The following PPIE variants were observed in gnomAD, a reference collection of about 807,000 sequenced individuals.
The protein encoded by PPIE is peptidyl-prolyl cis-trans isomerase E.
Under a neutral mutation model 38.4 loss-of-function variants are expected in PPIE, and 20 were observed. That is an observed-to-expected ratio of 0.52 (90% confidence interval 0.37 to 0.76). The LOEUF (loss-of-function observed/expected upper bound fraction) is 0.76. Among genes scored for constraint, PPIE ranks in the 30% least tolerant of loss-of-function variants. The pLI is 0.00. For missense variants in PPIE, 322 were observed against 385.8 expected, an observed-to-expected ratio of 0.83 and a Z score of 1.39; for synonymous variants, 142 against 135.7, an observed-to-expected ratio of 1.05 and a Z score of -0.32.
At chr1:39,753,107 G>T in intron 9 of PPIE, 55 bp downstream of exon 9, 2 of 1,608,642 alleles carry the variant, frequency 1.2e-6, no homozygotes, top group Non-Finnish European at 1.7e-6. Flanking sequence ...GCACAGCCCT[G>T]TGTGAGGGCT....
Position 39,745,460 on chromosome 1 carries a change from A to G in PPIE, c.470A>G (p.Gln157Arg). The G allele has an allele frequency of 3.1e-6, 5 of 1,614,254 alleles. No homozygotes were observed. The highest frequency in any genetic ancestry group is 4.2e-6 in the Non-Finnish European group (5 of 1,180,048). Residue 157 changes from glutamine (Q) to arginine (R), a missense_variant, in exon 7 of 10, where the codon CAG (glutamine) becomes CGG (arginine). Gln to Arg is a conservative substitution (Grantham distance 43). Transcript: ENST00000324379. The stretch of plus-strand genomic sequence containing the variant: ...GGGAACAAGCCGGCTGGCCGCATCC[A>G]GATGCTCCTGCGTTCTGATGTCGTG... ...KIGNKPAGRI[Q>R]MLLRSDVVPM...
Position 39,753,964 on chromosome 1 carries a change from A to T in PPIE, c.*609A>T, listed in dbSNP as rs533372807. 2 of 985,338 alleles carry T rather than the reference A, an allele frequency of 2.0e-6. No individual in the cohort carries two copies. The highest frequency in any genetic ancestry group is 2.4e-6 in the Non-Finnish European group (2 of 829,940). 61.0% of individuals were successfully genotyped at this position (985,338 alleles called of 1,614,324 possible). ...CCAGCTGCCGGCCTTACAGCCAGCA[A>T]GTGTACTCTCAGTGGTTCATTTGTT... On this transcript the variant is annotated 3_prime_UTR_variant, in exon 10 of 10. Transcript: ENST00000324379.
Position 39,756,629 on chromosome 1 carries a change from T to A in PPIE, c.*3274T>A. On this transcript the variant is annotated 3_prime_UTR_variant, in exon 10 of 10. Coordinates refer to ENST00000324379, the MANE Select transcript of PPIE (RefSeq NM_006112.4). ...CTTGTAGAGTTCAGTGATGGGAAAC[T>A]AAAGTAGAAAAAGCACATCACAAAG... is the stretch of plus-strand genomic sequence containing the variant. 1.0e-6 allele frequency: 1 copy of A among 984,932 alleles called. No individual in the cohort carries two copies. The highest frequency in any genetic ancestry group is 1.2e-6 in the Non-Finnish European group (1 of 829,516). 61.0% of individuals were successfully genotyped at this position (984,932 alleles called of 1,614,324 possible).
chr1:39,740,358 A>G lies in PPIE; in HGVS notation c.130+95A>G, dbSNP rs78110175. 6.9e-4 allele frequency: 664 copies of G among 957,278 alleles called. 1 individual carries two copies. Among genetic ancestry groups the G allele is most frequent in the African/African-American group, 6.8e-3 (413 of 61,142 alleles). 59.3% of individuals were successfully genotyped at this position (957,278 alleles called of 1,614,324 possible). A position where few individuals can be genotyped will look rare whatever the true frequency, so the allele number is the denominator to read the frequency against. On this transcript the variant is annotated intron_variant, in intron 2 of 9. Transcript: ENST00000324379. ...ACAATTCTAAATATGCATTCTAAATATGGTTAGTATACACTACAGGTAAGT... is the reference window on the plus strand; with the variant it reads ...ACAATTCTAAATATGCATTCTAAATGTGGTTAGTATACACTACAGGTAAGT...
rs1350879631 is a variant in PPIE, at chr1:39,754,069, T to C, written c.*714T>C. 1.0e-5 allele frequency: 10 copies of C among 985,228 alleles called. No homozygotes were observed. The highest frequency in any genetic ancestry group is 1.2e-5 in the Non-Finnish European group (10 of 829,838). 61.0% of individuals were successfully genotyped at this position (985,228 alleles called of 1,614,324 possible). A position where few individuals can be genotyped will look rare whatever the true frequency, so the allele number is the denominator to read the frequency against. ...AGTGCCTTCTCTGTGCCAAGTACTA[T>C]GCCTATTTGTCAGGAGACAGGAAGC... On this transcript the variant is annotated 3_prime_UTR_variant, in exon 10 of 10. Transcript: ENST00000324379.
intron 7 of PPIE, chr1:39,747,067 T>C (rs1647235481): frequency 6.6e-6 from 1 of 152,244 alleles, no homozygotes. Flanking sequence ...AGCTGTCCTT[T>C]TCCACGCCTT....
chr1:39,739,716 T>TG lies in PPIE; in HGVS notation c.32-444dup, dbSNP rs1444412245. 8.5e-5 allele frequency among the ~76,000 whole-genome samples: 13 copies of TG among 152,078 alleles called. No individual in the cohort carries two copies. In the East Asian group the frequency reaches 1.4e-3, roughly 16 times the overall value. On this transcript the variant is annotated intron_variant, in intron 1 of 9. Coordinates refer to ENST00000324379, the MANE Select transcript of PPIE (RefSeq NM_006112.4). ...CAAAGGTGTGAAATAGCCTGACACT[T>TG]GGGGGCAAGTGGGTCATTATTCGGG...
Position 39,740,270 on chromosome 1 carries a change from T to A in PPIE, c.130+7T>A. On this transcript the variant is annotated splice_region_variant and intron_variant, in intron 2 of 9. Transcript: ENST00000324379. ...CCTCTGGATTATGAAACAGGTGAGT[T>A]AGTGTCTCTCACGTTCAGAATCCTC... The A allele has an allele frequency of 1.2e-6, 2 of 1,607,082 alleles. No individual in the cohort carries two copies. Among genetic ancestry groups the A allele is most frequent in the Non-Finnish European group, 1.7e-6 (2 of 1,174,058 alleles).
chr1:39,756,650 CAAAG>C lies in PPIE; in HGVS notation c.*3299_*3302del. 6 of 975,658 alleles carry C rather than the reference CAAAG, an allele frequency of 6.1e-6. No homozygotes were observed. The highest frequency in any genetic ancestry group is 7.3e-6 in the Non-Finnish European group (6 of 821,236). 60.4% of individuals were successfully genotyped at this position (975,658 alleles called of 1,614,324 possible). On this transcript the variant is annotated 3_prime_UTR_variant, in exon 10 of 10. Coordinates refer to ENST00000324379, the MANE Select transcript of PPIE (RefSeq NM_006112.4). ...AAACTAAAGTAGAAAAAGCACATCA[CAAAG>C]AAACATATATAGTACAGTGTGATCC...
At position 39,738,906 on chromosome 1, in the gene PPIE, C is replaced by G. The variant is rs143737106; in HGVS notation, c.6C>G (p.Ala2=). M[A]TTKRVLYVGG... Reference sequence around the variant, plus strand: ...CGGAAAAGCGCGCGAGCAAGATGGCCACCACCAAGCGCGTCTTGTACGTGG... The same window carrying G: ...CGGAAAAGCGCGCGAGCAAGATGGCGACCACCAAGCGCGTCTTGTACGTGG... The change falls in exon 1 of 10, where the codon GCC becomes GCG. Residue 2 remains alanine (A), a synonymous_variant. Coordinates refer to ENST00000324379, the MANE Select transcript of PPIE (RefSeq NM_006112.4). The G allele has an allele frequency of 6.9e-4, 1,042 of 1,508,260 alleles. 2 individuals carry two copies. The highest frequency in any genetic ancestry group is 1.1e-3 in the Admixed American group (45 of 42,514). The allele number at this position is 1,508,260 out of a possible 1,614,324, so 93.4% of individuals were successfully genotyped here.
intron 7 of PPIE, chr1:39,746,254 A>T (rs570045): frequency 6.6e-6 from 1 of 152,120 alleles, no homozygotes; most frequent in Non-Finnish European, 1.5e-5. Flanking sequence ...TGTAAGCATC[A>T]TGTGATAACC....
At chr1:39,741,269 T>G in intron 2 of PPIE, 97 bp from the exon 3 acceptor site, 2 of 1,025,116 alleles carry the variant, frequency 2.0e-6, no homozygotes, top group Non-Finnish European at 3.1e-6. Flanking sequence ...CTTCTGGTGT[T>G]TGGATACGAC....
chr1:39,743,741 C>A, intron 5 of PPIE, 83 bp from the exon 6 acceptor site: 1 of 1,113,988 alleles, frequency 9.0e-7, no homozygotes. Context: ...CACATAGCAT[C>A]TTCCACTTTG....
In PPIE at chr1:39,753,494, G is replaced by A; in HGVS notation, c.*139G>A. 1 of 1,456,684 alleles carries A rather than the reference G, an allele frequency of 6.9e-7. No homozygotes were observed. The highest frequency in any genetic ancestry group is 1.4e-5 in the African/African-American group (1 of 70,762). The allele number at this position is 1,456,684 out of a possible 1,614,324, so 90.2% of individuals were successfully genotyped here. ...GGATATGTGCCCTTCCTCAGGGTCT[G>A]CTTGGAGCAGCTCCTCTGCAGGCAC... is the stretch of plus-strand genomic sequence containing the variant. On this transcript the variant is annotated 3_prime_UTR_variant, in exon 10 of 10. Coordinates refer to ENST00000324379, the MANE Select transcript of PPIE (RefSeq NM_006112.4).
At chr1:39,763,245 C>T (rs374780525) in intron 9 of PPIE, 51 of 1,550,486 alleles carry the variant, frequency 3.3e-5, no homozygotes, top group Non-Finnish European at 4.4e-5. Flanking sequence ...ATGTGCCCCT[C>T]CCTGAGCCTC....
In PPIE at chr1:39,752,978, A is replaced by G; in HGVS notation, c.763A>G (p.Thr255Ala). ...GSQFFLTCDK[T>A]DWLDGKHVVF... is the part of the protein sequence containing the mutation. ...TCAGTTCTTCCTGACATGTGACAAGACAGACTGGCTGGATGGCAAGCATGT... is the reference window on the plus strand; with the variant it reads ...TCAGTTCTTCCTGACATGTGACAAGGCAGACTGGCTGGATGGCAAGCATGT... Residue 255 changes from threonine (T) to alanine (A), a missense_variant, in exon 9 of 10, where the codon ACA (threonine) becomes GCA (alanine). Coordinates refer to ENST00000324379, the MANE Select transcript of PPIE (RefSeq NM_006112.4). 1 of 1,614,224 alleles carries G rather than the reference A, an allele frequency of 6.2e-7. No homozygotes were observed. The highest frequency in any genetic ancestry group is 8.5e-7 in the Non-Finnish European group (1 of 1,180,032).
At chr1:39,763,656 C>A (rs772994472) in intron 9 of PPIE, 1 of 1,558,354 alleles carries the variant, frequency 6.4e-7, no homozygotes, top group Non-Finnish European at 8.8e-7. Context: ...TGCAGATTCA[C>A]TTCTGATCTA....
chr1:39,747,195 CATTT>C (rs1647245514), intron 7 of PPIE: 1 of 152,158 alleles, frequency 6.6e-6, no homozygotes, highest in Admixed American at 6.5e-5. Context: ...CTTGTTCATT[CATTT>C]GTTGATGGGC....
At chr1:39,741,580 C>T (rs1448506867) in intron 3 of PPIE, 171 bp downstream of exon 3, 9 of 710,692 alleles carry the variant, frequency 1.3e-5, no homozygotes, top group African/African-American at 5.3e-5. Flanking sequence ...TCAGACTGGA[C>T]TGTGAATAAC....
Sources: gnomAD v4.1 joint callset for allele counts (sites outside exome capture counted in the v4.1 genomes callset) on GRCh38, gnomAD v4.1.1 for gene constraint, MANE v1.5 for transcripts, NCBI Gene and HGNC (gene_info 2026-07-23, HGNC 2026-07-21) for gene names.